The following TOX3 variants were observed in gnomAD, a reference collection of about 807,000 sequenced individuals.
TOX3 encodes CAG trinucleotide repeat-containing gene F9 protein.
In TOX3, 22 loss-of-function variants were observed where a neutral mutation model predicts 64.3. The observed-to-expected ratio is 0.34, with a 90% CI of 0.24 to 0.49. TOX3 has a LOEUF of 0.49. Among genes scored for constraint, TOX3 ranks in the 20% least tolerant of loss-of-function variants. The pLI is 0.99. For synonymous variants in TOX3, 291 were observed against 273.6 expected, an observed-to-expected ratio of 1.06 and a Z score of -0.63; for missense variants, 661 against 714.4, an observed-to-expected ratio of 0.93 and a Z score of 0.85.
At chr16:52,508,175 T>C (rs1262768158) in intron 1 of TOX3, among the ~76,000 whole-genome samples, 2 of 152,228 alleles carry the variant, frequency 1.3e-5, no homozygotes, top group Non-Finnish European at 2.9e-5. Flanking sequence ...GAAGACATTA[T>C]TATGAAGGCT....
chr16:52,545,642 G>A (rs932148514), intron 1 of TOX3, among the ~76,000 whole-genome samples: 1 of 152,182 alleles, frequency 6.6e-6, no homozygotes, highest in Non-Finnish European at 1.5e-5. Context: ...GCAGGAGGAA[G>A]GGGAAAGAAA....
At chr16:52,444,184 T>C (rs1482129304) in intron 6 of TOX3, 92 bp downstream of exon 6, 5 of 975,884 alleles carry the variant, frequency 5.1e-6, no homozygotes, top group African/African-American at 4.9e-5. Context: ...TCCATCAACT[T>C]TTAGGGGAGC....
intron 3 of TOX3, 77 bp downstream of exon 3, chr16:52,463,857 G>C: frequency 6.9e-7 from 1 of 1,452,974 alleles, no homozygotes; most frequent in East Asian, 2.5e-5. Flanking sequence ...GCACGTTTCA[G>C]AACATGGACT....
At chr16:52,529,125 A>G (rs1962790529) in intron 1 of TOX3, among the ~76,000 whole-genome samples, 1 of 152,222 alleles carries the variant, frequency 6.6e-6, no homozygotes. Flanking sequence ...AGGAATTAAT[A>G]CTTTTTGAAT....
At chr16:52,490,532 C>T (rs1296399311) in intron 1 of TOX3, among the ~76,000 whole-genome samples, 2 of 151,232 alleles carry the variant, frequency 1.3e-5, no homozygotes, top group Admixed American at 6.6e-5. Flanking sequence ...GAACACTTCA[C>T]AAGGGGGAAC....
intron 2 of TOX3, among the ~76,000 whole-genome samples, chr16:52,466,999 C>T (rs1440459080): frequency 6.6e-6 from 1 of 152,096 alleles, no homozygotes; most frequent in Non-Finnish European, 1.5e-5. Context: ...TTAGAGTTTA[C>T]GTGATTATTT....
intron 1 of TOX3, among the ~76,000 whole-genome samples, chr16:52,523,727 A>G (rs1962663376): frequency 6.6e-6 from 1 of 152,226 alleles, no homozygotes; most frequent in South Asian, 2.1e-4. Context: ...CTGATGAACG[A>G]GACTTTTTTT....
At chr16:52,545,050 T>A (rs1963147367) in intron 1 of TOX3, among the ~76,000 whole-genome samples, 1 of 152,216 alleles carries the variant, frequency 6.6e-6, no homozygotes, top group South Asian at 2.1e-4. Context: ...TTAGGTAGAT[T>A]CTCAGAAACA....
intron 1 of TOX3, among the ~76,000 whole-genome samples, chr16:52,542,459 C>G (rs1963094241): frequency 6.6e-6 from 1 of 152,110 alleles, no homozygotes; most frequent in East Asian, 1.9e-4. Flanking sequence ...ATTTAAAATT[C>G]ATGATAATTC....
intron 1 of TOX3, among the ~76,000 whole-genome samples, chr16:52,486,338 G>T (rs1012859081): frequency 1.3e-5 from 2 of 152,184 alleles, no homozygotes; most frequent in Non-Finnish European, 2.9e-5. Context: ...TCACTAAAGA[G>T]AAAGTGATTA....
In TOX3 at chr16:52,439,339, C is replaced by T; in HGVS notation, c.1617G>A (p.Gln539=). The change falls in exon 7 of 7, where the codon CAG becomes CAA. Residue 539 remains glutamine, a synonymous_variant. Transcript: ENST00000219746. The stretch of plus-strand genomic sequence containing the variant: ...CGATGGCAGGGATGGGGGATGTTAT[C>T]TGAGAGGCGACAGGGGAGTGCTGCC... The part of the protein sequence containing the change: ...SPRQHSPVAS[Q]ITSPIPAIGS... The T allele has an allele frequency of 6.2e-7, 1 of 1,612,984 alleles. No homozygotes were observed. The highest frequency in any genetic ancestry group is 8.5e-7 in the Non-Finnish European group (1 of 1,179,372).
At chr16:52,470,591 G>A (rs924287295) in intron 1 of TOX3, among the ~76,000 whole-genome samples, 6 of 152,218 alleles carry the variant, frequency 3.9e-5, no homozygotes, top group African/African-American at 1.4e-4. Context: ...CTTCTGAACA[G>A]TTAGTATGCG....
intron 4 of TOX3, among the ~76,000 whole-genome samples, chr16:52,449,080 C>G (rs1960255831): frequency 6.6e-6 from 1 of 152,186 alleles, no homozygotes; most frequent in African/African-American, 2.4e-5. Flanking sequence ...TGTTCATTCC[C>G]TCCCTTGATG....
chr16:52,448,883 A>C (rs1462422694), intron 4 of TOX3, among the ~76,000 whole-genome samples: 5 of 152,114 alleles, frequency 3.3e-5, no homozygotes, highest in African/African-American at 9.7e-5. Context: ...CTAACATCCC[A>C]AACTCTCATG....
chr16:52,539,446 G>T (rs931657811), intron 1 of TOX3, among the ~76,000 whole-genome samples: 3 of 152,298 alleles, frequency 2.0e-5, no homozygotes, highest in African/African-American at 7.2e-5. Flanking sequence ...CACATTCCTT[G>T]TTTATGTCAT....
chr16:52,489,270 C>T (rs980913933), intron 1 of TOX3, among the ~76,000 whole-genome samples: 1 of 152,118 alleles, frequency 6.6e-6, no homozygotes. Context: ...TGCTGAGCCC[C>T]TCTCAAATTA....
intron 1 of TOX3, among the ~76,000 whole-genome samples, chr16:52,469,018 T>G (rs1377728824): frequency 2.0e-5 from 3 of 152,174 alleles, no homozygotes; most frequent in Non-Finnish European, 4.4e-5. Context: ...GGGAATAAAA[T>G]TCAATTCCCA....
intron 1 of TOX3, among the ~76,000 whole-genome samples, chr16:52,533,269 C>G (rs1962887080): frequency 6.6e-6 from 1 of 152,208 alleles, no homozygotes; most frequent in African/African-American, 2.4e-5. Context: ...TGCCCACTCT[C>G]AGGCCCACCC....
chr16:52,462,697 A>C (rs1960727842), intron 3 of TOX3, among the ~76,000 whole-genome samples: 1 of 152,086 alleles, frequency 6.6e-6, no homozygotes, highest in Non-Finnish European at 1.5e-5. Context: ...GGCTGTAGAG[A>C]AACAGAGAAT....
Sources: allele counts gnomAD v4.1 joint callset (sites outside exome capture counted in the v4.1 genomes callset), GRCh38; gene constraint gnomAD v4.1.1; transcripts MANE v1.5; gene names NCBI Gene and HGNC (gene_info 2026-07-23, HGNC 2026-07-21).